Variants in MYO3B observed in about 807,000 individuals in gnomAD.
The protein encoded by MYO3B is myosin IIIB, also known as myosin-IIIb.
In MYO3B, 156 loss-of-function variants were observed where a neutral mutation model predicts 174.6. The observed-to-expected ratio is 0.89, with a 90% CI of 0.78 to 1.02. The LOEUF (loss-of-function observed/expected upper bound fraction) is 1.02, where lower values mean the gene tolerates loss of function less well. Among genes scored for constraint, MYO3B ranks in the 50% least tolerant of loss-of-function variants. The pLI, the probability that MYO3B is intolerant of heterozygous loss-of-function variation, is 0.00. For missense variants in MYO3B, 1,632 were observed against 1,639.4 expected, an observed-to-expected ratio of 1.00 and a Z score of 0.08; for synonymous variants, 563 against 569.1, an observed-to-expected ratio of 0.99 and a Z score of 0.15.
chr2:170,475,656 T>C (rs1041401964), intron 25 of MYO3B, among the ~76,000 whole-genome samples: 12 of 152,224 alleles, frequency 7.9e-5, no homozygotes, highest in Non-Finnish European at 1.8e-4. Context: ...CTCTAGTCTC[T>C]GTTTACCTTA....
chr2:170,615,136 T>G (rs1695372586), intron 32 of MYO3B, among the ~76,000 whole-genome samples: 1 of 152,202 alleles, frequency 6.6e-6, no homozygotes, highest in Non-Finnish European at 1.5e-5. Context: ...CCTTCACATG[T>G]GACTACACTT....
chr2:170,618,456 T>G (rs1372340520), intron 32 of MYO3B, among the ~76,000 whole-genome samples: 1 of 152,108 alleles, frequency 6.6e-6, no homozygotes, highest in Non-Finnish European at 1.5e-5. Context: ...TTTCTTCTTT[T>G]TGATGATTGG....
intron 8 of MYO3B, chr2:170,343,555 G>C (rs1332346767): frequency 6.6e-6 from 1 of 152,282 alleles, no homozygotes; most frequent in East Asian, 1.9e-4. Flanking sequence ...CCAGCCACAG[G>C]CTTCTCCATG....
chr2:170,226,555 G>T (rs147469205), intron 6 of MYO3B, among the ~76,000 whole-genome samples: 1 of 152,300 alleles, frequency 6.6e-6, no homozygotes, highest in African/African-American at 2.4e-5. Flanking sequence ...CAGCTCCAGC[G>T]ATAGTTCCCT....
At chr2:170,597,372 GAAAAAAAAA>G (rs1045370668) in intron 32 of MYO3B, among the ~76,000 whole-genome samples, 1 of 61,336 alleles carries the variant, frequency 1.6e-5, no homozygotes, top group Admixed American at 1.8e-4. Flanking sequence ...CATCTCAAAA[GAAAAAAAAA>G]AAAAAAAAAA....
At chr2:170,537,391 T>C (rs1374543294) in intron 30 of MYO3B, among the ~76,000 whole-genome samples, 1 of 149,522 alleles carries the variant, frequency 6.7e-6, no homozygotes, top group Non-Finnish European at 1.5e-5. Context: ...TGCAGAGTGG[T>C]TTTACTGCTG....
At position 170,206,074 on chromosome 2, in the gene MYO3B, T is replaced by A. The variant is rs2092711130; in HGVS notation, c.321+5790T>A. Among the ~76,000 whole-genome samples, 1 of 152,142 alleles carries A rather than the reference T, an allele frequency of 6.6e-6. No homozygotes were observed. On this transcript the variant is annotated intron_variant, in intron 3 of 34. Transcript: ENST00000408978. The surrounding 1 kb of genome is among the most constrained non-coding windows in gnomAD (Gnocchi z 4.3). ...CCCTGCCCCAGGATTCTGGCATCCT[T>A]TGTCCCAACAGTAGTAGAGTATTTA...
intron 9 of MYO3B, among the ~76,000 whole-genome samples, chr2:170,378,889 A>G (rs931202768): frequency 2.6e-5 from 4 of 152,142 alleles, no homozygotes; most frequent in African/African-American, 9.7e-5. Flanking sequence ...TGGAAAACTC[A>G]CCATTGGTTC....
chr2:170,558,641 A>C (rs993153902), intron 32 of MYO3B, among the ~76,000 whole-genome samples: 14 of 152,046 alleles, frequency 9.2e-5, no homozygotes, highest in Admixed American at 3.3e-4. Flanking sequence ...ATAGTATCCC[A>C]TTTTAGGATG....
At chr2:170,561,952 C>G (rs1042237233) in intron 32 of MYO3B, among the ~76,000 whole-genome samples, 1 of 151,728 alleles carries the variant, frequency 6.6e-6, no homozygotes, top group Non-Finnish European at 1.5e-5. Context: ...AAGTTGATTC[C>G]TTTAAAAAAA....
chr2:170,254,627 A>C (rs932006109), intron 7 of MYO3B, among the ~76,000 whole-genome samples: 3 of 152,148 alleles, frequency 2.0e-5, no homozygotes, highest in African/African-American at 7.2e-5. Flanking sequence ...TCAGAGGACA[A>C]AGCCACAGGC....
intron 9 of MYO3B, among the ~76,000 whole-genome samples, chr2:170,375,558 C>T (rs1217276719): frequency 1.3e-5 from 2 of 151,604 alleles, no homozygotes; most frequent in African/African-American, 4.8e-5. Context: ...GTCGCCCTTG[C>T]AATTTGCCTG....
At chr2:170,254,519 C>T (rs2093286786) in intron 7 of MYO3B, among the ~76,000 whole-genome samples, 1 of 152,154 alleles carries the variant, frequency 6.6e-6, no homozygotes, top group Non-Finnish European at 1.5e-5. Flanking sequence ...AGAGGGTGTG[C>T]AAAACAGAGC....
chr2:170,627,344 G>A (rs908730638), intron 32 of MYO3B, among the ~76,000 whole-genome samples: 7 of 151,896 alleles, frequency 4.6e-5, no homozygotes, highest in Admixed American at 1.3e-4. Flanking sequence ...TGATAGAATC[G>A]GCTACTGAAG....
At chr2:170,488,238 T>C (rs1686196414) in intron 25 of MYO3B, among the ~76,000 whole-genome samples, 1 of 152,236 alleles carries the variant, frequency 6.6e-6, no homozygotes, top group South Asian at 2.1e-4. Context: ...ACGAATATTT[T>C]CCACTTCAAA....
chr2:170,259,699 G>C (rs1484488096), intron 7 of MYO3B, among the ~76,000 whole-genome samples: 1 of 152,116 alleles, frequency 6.6e-6, no homozygotes, highest in East Asian at 1.9e-4. Context: ...AAATAGACAA[G>C]TGGGACATAA....
chr2:170,623,736 G>A (rs960350937), intron 32 of MYO3B, among the ~76,000 whole-genome samples: 1 of 152,112 alleles, frequency 6.6e-6, no homozygotes, highest in Non-Finnish European at 1.5e-5. Flanking sequence ...AATCCATCTT[G>A]AATTAATTTT....
In MYO3B at chr2:170,383,747, A is replaced by G. The variant is rs1644606643; in HGVS notation, c.1223A>G (p.Asn408Ser). 1.9e-6 allele frequency: 3 copies of G among 1,613,726 alleles called. No homozygotes were observed. The highest frequency in any genetic ancestry group is 1.7e-6 in the Non-Finnish European group (2 of 1,179,720). Reference protein sequence around the residue: ...RLYHGVKRASNPPHIFASADA... With the variant: ...RLYHGVKRASSPPHIFASADA... Reference sequence around the variant, plus strand: ...TATCATGGGGTGAAACGCGCCTCCAATCCCCCCCACATATTTGCATCAGCA... The same window carrying G: ...TATCATGGGGTGAAACGCGCCTCCAGTCCCCCCCACATATTTGCATCAGCA... Residue 408 changes from asparagine (N) to serine (S), a missense_variant, in exon 12 of 35, where the codon AAT (asparagine) becomes AGT (serine). Physicochemically the swap from Asn to Ser is conservative, Grantham distance 46. Transcript: ENST00000408978.
chr2:170,238,420 A>T (rs2093095396), intron 7 of MYO3B, among the ~76,000 whole-genome samples: 1 of 152,212 alleles, frequency 6.6e-6, no homozygotes, highest in South Asian at 2.1e-4. Flanking sequence ...AAAAATAATG[A>T]CAAAAATCCT....
Sources: gnomAD v4.1 joint callset for allele counts (sites outside exome capture counted in the v4.1 genomes callset) on GRCh38, gnomAD v4.1.1 for gene constraint, Gnocchi (gnomAD v3.1) non-coding constraint, MANE v1.5 for transcripts, NCBI Gene and HGNC (gene_info 2026-07-23, HGNC 2026-07-21) for gene names.